CNTNAP2: variants seen among roughly 807,000 people sequenced by gnomAD.
The protein encoded by CNTNAP2 is contactin associated protein 2, also known as contactin-associated protein-like 2.
Under a neutral mutation model 155.2 loss-of-function variants are expected in CNTNAP2, and 98 were observed. The ratio of observed to expected loss-of-function variants is 0.63; its 90% confidence interval spans 0.54 to 0.75. The LOEUF (loss-of-function observed/expected upper bound fraction) is 0.75. Among genes scored for constraint, CNTNAP2 ranks in the 30% least tolerant of loss-of-function variants. CNTNAP2 has a pLI of 0.00. For missense variants in CNTNAP2, 1,727 were observed against 1,688.1 expected (o/e 1.02, Z -0.40); for synonymous variants, 651 against 631.2 (o/e 1.03, Z -0.47).
At chr7:148,169,635 C>T (rs1295268292) in intron 17 of CNTNAP2, among the ~76,000 whole-genome samples, 1 of 152,142 alleles carries the variant, frequency 6.6e-6, no homozygotes, top group Non-Finnish European at 1.5e-5. Context: ...AGATACTAAG[C>T]AAGATGTTCT....
At chr7:146,906,001 G>A (rs985207911) in intron 3 of CNTNAP2, among the ~76,000 whole-genome samples, 2 of 152,232 alleles carry the variant, frequency 1.3e-5, no homozygotes, top group Non-Finnish European at 2.9e-5. Context: ...GAAGCGCAAG[G>A]GGTCAGGGAG....
rs1303972772 is a variant in CNTNAP2 at position 148,229,483 on chromosome 7, C to T, written c.3248-163C>T. Among the ~76,000 whole-genome samples the T allele has an allele frequency of 2.0e-5, 3 of 151,942 alleles. No individual in the cohort carries two copies. In the East Asian group the frequency reaches 5.8e-4, roughly 29 times the overall value. On this transcript the variant is annotated intron_variant, in intron 19 of 23. Transcript: ENST00000361727. ...GAGGTTGCAGTGAGCCAAGATCGCA[C>T]CATTGCACTCCAGCCTGGGCAAGAG... is the stretch of plus-strand genomic sequence containing the variant.
chr7:146,147,891 C>T (rs923787570), intron 1 of CNTNAP2, among the ~76,000 whole-genome samples: 11 of 151,938 alleles, frequency 7.2e-5, no homozygotes, highest in African/African-American at 1.9e-4. Flanking sequence ...GGCCATTTTA[C>T]GGAAAAATTT....
At chr7:147,522,956 T>C (rs1387856939) in intron 11 of CNTNAP2, among the ~76,000 whole-genome samples, 1 of 152,178 alleles carries the variant, frequency 6.6e-6, no homozygotes, top group Non-Finnish European at 1.5e-5. Flanking sequence ...TTCATACTAG[T>C]TATGTGTTAC....
At chr7:147,896,190 T>G (rs12533758) in intron 13 of CNTNAP2, among the ~76,000 whole-genome samples, 1 of 151,976 alleles carries the variant, frequency 6.6e-6, no homozygotes, top group Admixed American at 6.6e-5. Flanking sequence ...ATGGAGGAAA[T>G]ATTTCAGATC....
chr7:146,878,309 G>A lies in CNTNAP2; in HGVS notation c.402+38405G>A, dbSNP rs145648570. Among the ~76,000 whole-genome samples the A allele has an allele frequency of 5.8e-4, 88 of 152,062 alleles. 2 individuals carry two copies. Among genetic ancestry groups the A allele is most frequent in the African/African-American group, 5.5e-4 (23 of 41,496 alleles). Reference sequence around the variant, plus strand: ...GGCAAACCCTGGGAGGAGAGGGGAAGGAAGAAAGTGATGATGTATTATCTT... The same window carrying A: ...GGCAAACCCTGGGAGGAGAGGGGAAAGAAGAAAGTGATGATGTATTATCTT... On this transcript the variant is annotated intron_variant, in intron 3 of 23. Transcript: ENST00000361727.
At chr7:148,296,400 A>G (rs967333717) in intron 21 of CNTNAP2, among the ~76,000 whole-genome samples, 4 of 151,808 alleles carry the variant, frequency 2.6e-5, no homozygotes. Flanking sequence ...ACAAAAAATT[A>G]TCCAGGCATA....
intron 13 of CNTNAP2, among the ~76,000 whole-genome samples, chr7:147,789,397 T>C (rs533428214): frequency 9.1e-4 from 139 of 152,164 alleles, no homozygotes; most frequent in Non-Finnish European, 1.6e-3. Context: ...ACAAATCCAG[T>C]CTCCCCACTG....
intron 1 of CNTNAP2, among the ~76,000 whole-genome samples, chr7:146,363,323 C>T (rs1231263663): frequency 1.3e-5 from 2 of 152,156 alleles, no homozygotes; most frequent in East Asian, 3.9e-4. Context: ...CTGTCTCTAT[C>T]GTCTATCTAA....
intron 15 of CNTNAP2, among the ~76,000 whole-genome samples, chr7:148,115,852 A>G (rs1013242725): frequency 2.6e-5 from 4 of 152,104 alleles, no homozygotes; most frequent in Non-Finnish European, 5.9e-5. Flanking sequence ...TAAAAAAAAA[A>G]TAGCAGCCGA....
chr7:147,003,408 TA>T (rs1454875881), intron 3 of CNTNAP2, among the ~76,000 whole-genome samples: 2 of 151,900 alleles, frequency 1.3e-5, no homozygotes, highest in African/African-American at 4.8e-5. Flanking sequence ...TATTGTACAC[TA>T]CACTGATAAA....
At chr7:148,107,798 AG>A (rs1229014598) in intron 15 of CNTNAP2, among the ~76,000 whole-genome samples, 6 of 152,214 alleles carry the variant, frequency 3.9e-5, no homozygotes, top group African/African-American at 1.4e-4. Context: ...TAATTTTCAG[AG>A]TAATTAGTCT....
chr7:147,542,346 GTT>G (rs1272831426), intron 11 of CNTNAP2, among the ~76,000 whole-genome samples: 1 of 151,796 alleles, frequency 6.6e-6, no homozygotes, highest in African/African-American at 2.4e-5. Flanking sequence ...GAAAGTAAGA[GTT>G]TGTACTGGAC....
intron 16 of CNTNAP2, among the ~76,000 whole-genome samples, chr7:148,126,356 A>C (rs1804715644): frequency 6.6e-6 from 1 of 152,232 alleles, no homozygotes; most frequent in African/African-American, 2.4e-5. Context: ...GAATGAAATG[A>C]ATGAATGAGG....
chr7:146,420,090 C>T (rs927714855), intron 1 of CNTNAP2, among the ~76,000 whole-genome samples: 1 of 152,094 alleles, frequency 6.6e-6, no homozygotes, highest in Non-Finnish European at 1.5e-5. Context: ...ATAACTTTTT[C>T]AGAGATTCCT....
intron 1 of CNTNAP2, among the ~76,000 whole-genome samples, chr7:146,185,129 C>T (rs1798604508): frequency 6.6e-6 from 1 of 151,962 alleles, no homozygotes; most frequent in Admixed American, 6.6e-5. Flanking sequence ...TCTATAAACC[C>T]TAGACTATAG....
At chr7:147,560,326 T>C (rs1346832356) in intron 11 of CNTNAP2, among the ~76,000 whole-genome samples, 4 of 152,196 alleles carry the variant, frequency 2.6e-5, no homozygotes, top group Admixed American at 1.3e-4. Context: ...CTAAAACCTA[T>C]TGCATTGCTG....
intron 2 of CNTNAP2, among the ~76,000 whole-genome samples, chr7:146,790,513 C>A (rs936696418): frequency 6.6e-6 from 1 of 151,586 alleles, no homozygotes; most frequent in Non-Finnish European, 1.5e-5. Context: ...TTATTGGATA[C>A]GTCCAAATGA....
At chr7:146,540,505 T>C (rs1435873249) in intron 1 of CNTNAP2, among the ~76,000 whole-genome samples, 1 of 152,040 alleles carries the variant, frequency 6.6e-6, no homozygotes, top group Non-Finnish European at 1.5e-5. Flanking sequence ...CTTCAGAAGA[T>C]CCAATAAAAA....
Sources: gnomAD v4.1 joint callset for allele counts (sites outside exome capture counted in the v4.1 genomes callset) on GRCh38, gnomAD v4.1.1 for gene constraint, MANE v1.5 for transcripts, NCBI Gene and HGNC (gene_info 2026-07-23, HGNC 2026-07-21) for gene names.